The following PLCB1 variants were observed in gnomAD, a reference collection of about 807,000 sequenced individuals.
PLCB1 encodes the protein phospholipase C beta 1, also known as 1-phosphatidylinositol 4,5-bisphosphate phosphodiesterase beta-1.
Under a neutral mutation model 161.8 loss-of-function variants are expected in PLCB1, and 46 were observed. The observed-to-expected ratio is 0.28, with a 90% CI of 0.22 to 0.36. PLCB1 has a LOEUF of 0.36. Among genes scored for constraint, PLCB1 ranks in the 10% least tolerant of loss-of-function variants. The pLI, the probability that PLCB1 is intolerant of heterozygous loss-of-function variation, is 1.00. For missense variants in PLCB1, 1,016 were observed against 1,472.5 expected (o/e 0.69, Z 5.07); for synonymous variants, 517 against 503.7 (o/e 1.03, Z -0.35).
intron 31 of PLCB1, among the ~76,000 whole-genome samples, chr20:8,829,507 T>G (rs1410190558): frequency 1.3e-5 from 2 of 152,244 alleles, no homozygotes; most frequent in Admixed American, 1.3e-4. Context: ...GTACTGTCTT[T>G]CTGTACATCC....
chr20:8,454,973 A>AGGAT (rs1981234665), intron 3 of PLCB1, among the ~76,000 whole-genome samples: 3 of 150,112 alleles, frequency 2.0e-5, no homozygotes, highest in African/African-American at 5.0e-5. Context: ...CTTGAATATA[A>AGGAT]GGATGGATGA....
intron 2 of PLCB1, among the ~76,000 whole-genome samples, chr20:8,170,688 A>G (rs1435407392): frequency 6.6e-6 from 1 of 152,202 alleles, no homozygotes; most frequent in Non-Finnish European, 1.5e-5. Flanking sequence ...CTGACTTTAT[A>G]TAAACATAAA....
At chr20:8,531,407 A>T (rs1209034596) in intron 3 of PLCB1, among the ~76,000 whole-genome samples, 2 of 152,130 alleles carry the variant, frequency 1.3e-5, no homozygotes, top group African/African-American at 4.8e-5. Flanking sequence ...TTTTGAACAA[A>T]AATGGCAAGA....
intron 3 of PLCB1, among the ~76,000 whole-genome samples, chr20:8,537,906 A>G (rs1202614727): frequency 2.6e-5 from 4 of 152,328 alleles, no homozygotes; most frequent in Middle Eastern, 3.4e-3. Context: ...CAACTGAAGA[A>G]AAGTGTCCCG....
intron 3 of PLCB1, among the ~76,000 whole-genome samples, chr20:8,608,705 G>C (rs1422955857): frequency 2.0e-5 from 3 of 152,122 alleles, no homozygotes; most frequent in African/African-American, 7.2e-5. Flanking sequence ...AGCTGGCATA[G>C]CAACATGCAC....
intron 2 of PLCB1, among the ~76,000 whole-genome samples, chr20:8,329,996 T>C (rs1029891555): frequency 5.3e-5 from 8 of 152,182 alleles, no homozygotes; most frequent in African/African-American, 1.7e-4. Flanking sequence ...CAATTGAAAA[T>C]AGGAGAAAAT....
chr20:8,485,610 C>G (rs1285706651), intron 3 of PLCB1, among the ~76,000 whole-genome samples: 1 of 152,190 alleles, frequency 6.6e-6, no homozygotes, highest in African/African-American at 2.4e-5. Flanking sequence ...ACATTAATGA[C>G]TGGGCACAGA....
chr20:8,468,074 C>T (rs771773106), intron 3 of PLCB1, among the ~76,000 whole-genome samples: 32 of 152,152 alleles, frequency 2.1e-4, no homozygotes, highest in Non-Finnish European at 3.8e-4. Context: ...AGACTACTTA[C>T]TCTGTTGTTC....
chr20:8,453,234 T>C (rs2095011826), intron 3 of PLCB1, among the ~76,000 whole-genome samples: 2 of 152,342 alleles, frequency 1.3e-5, no homozygotes, highest in Admixed American at 1.3e-4. Flanking sequence ...ATCACCAAAG[T>C]GTCCCATGGG....
At chr20:8,683,960 T>A (rs1173634952) in intron 9 of PLCB1, among the ~76,000 whole-genome samples, 1 of 151,810 alleles carries the variant, frequency 6.6e-6, no homozygotes, top group African/African-American at 2.4e-5. Context: ...CTCAGCTCAC[T>A]GCAAACTCCA....
At chr20:8,784,266 C>A (rs527936922) in intron 27 of PLCB1, among the ~76,000 whole-genome samples, 1 of 151,988 alleles carries the variant, frequency 6.6e-6, no homozygotes, top group South Asian at 2.1e-4. Flanking sequence ...TGAGGGTCTT[C>A]TGAAAACTAG....
chr20:8,225,841 T>C (rs1358774459), intron 2 of PLCB1, among the ~76,000 whole-genome samples: 1 of 152,238 alleles, frequency 6.6e-6, no homozygotes. Flanking sequence ...TAGGTGTTTG[T>C]TTAAATGATT....
At chr20:8,472,674 T>C (rs1198148450) in intron 3 of PLCB1, among the ~76,000 whole-genome samples, 1 of 148,242 alleles carries the variant, frequency 6.7e-6, no homozygotes, top group Non-Finnish European at 1.5e-5. Flanking sequence ...CAAAACTTTG[T>C]CTCAAAAAAA....
chr20:8,717,893 A>G lies in PLCB1; in HGVS notation c.1513+45A>G, dbSNP rs776402845. On this transcript the variant is annotated intron_variant, in intron 14 of 31. Transcript: ENST00000338037. ...TCCCCGTCATGTTTTGTGTTGGTTT[A>G]AGAATTGCTGCTCTGGGCTGTGCGT... 7.7e-6 allele frequency: 12 copies of G among 1,563,240 alleles called. No individual in the cohort carries two copies. In the South Asian group the frequency reaches 1.3e-4, roughly 17 times the overall value.
chr20:8,583,452 C>T (rs1173523658), intron 3 of PLCB1, among the ~76,000 whole-genome samples: 1 of 152,018 alleles, frequency 6.6e-6, no homozygotes, highest in African/African-American at 2.4e-5. Context: ...TATTTAAAAA[C>T]CCTCATCTTA....
chr20:8,659,983 C>T (rs1242565092), intron 9 of PLCB1, among the ~76,000 whole-genome samples: 6 of 117,816 alleles, frequency 5.1e-5, no homozygotes, highest in Admixed American at 9.3e-5. Flanking sequence ...CAGAGGAAGA[C>T]TCTGTCTCAA....
At chr20:8,276,998 A>ATTATTG (rs1982608655) in intron 2 of PLCB1, among the ~76,000 whole-genome samples, 1 of 132,468 alleles carries the variant, frequency 7.5e-6, no homozygotes, top group African/African-American at 3.0e-5. Context: ...TATTATTATT[A>ATTATTG]TTATTATTAT....
chr20:8,822,161 A>G (rs918233356), intron 31 of PLCB1, among the ~76,000 whole-genome samples: 1 of 152,106 alleles, frequency 6.6e-6, no homozygotes, highest in Non-Finnish European at 1.5e-5. Flanking sequence ...AGCACCTGGC[A>G]TAGAGGAGAT....
At chr20:8,575,777 A>G (rs1986657437) in intron 3 of PLCB1, among the ~76,000 whole-genome samples, 1 of 152,228 alleles carries the variant, frequency 6.6e-6, no homozygotes, top group Admixed American at 6.5e-5. Context: ...GTTTGGATTA[A>G]CATCACGTAA....
Sources: allele counts gnomAD v4.1 joint callset (sites outside exome capture counted in the v4.1 genomes callset), GRCh38; gene constraint gnomAD v4.1.1; transcripts MANE v1.5; gene names NCBI Gene and HGNC (gene_info 2026-07-23, HGNC 2026-07-21).